Variants in NLGN1 observed in about 807,000 individuals in gnomAD.
NLGN1 encodes neuroligin 1.
In NLGN1, 12 loss-of-function variants were observed where a neutral mutation model predicts 65.5. That is an observed-to-expected ratio of 0.18 (90% CI 0.12 to 0.30). NLGN1 has a LOEUF of 0.30. Among genes scored for constraint, NLGN1 ranks in the 10% least tolerant of loss-of-function variants. NLGN1 has a pLI of 1.00. For missense variants in NLGN1, 750 were observed against 1,007.1 expected, an observed-to-expected ratio of 0.74 and a Z score of 3.46; for synonymous variants, 350 against 359.5, an observed-to-expected ratio of 0.97 and a Z score of 0.30.
intron 4 of NLGN1, among the ~76,000 whole-genome samples, chr3:173,913,785 TC>T (rs1399136257): frequency 6.6e-6 from 1 of 152,164 alleles, no homozygotes; most frequent in Non-Finnish European, 1.5e-5. Context: ...TATAAGGTGT[TC>T]TTAATTTACC....
intron 2 of NLGN1, among the ~76,000 whole-genome samples, chr3:173,557,414 TTTAAA>T (rs1741896648): frequency 1.3e-5 from 2 of 152,134 alleles, no homozygotes; most frequent in African/African-American, 4.8e-5. Context: ...AAATCTTATC[TTTAAA>T]TTATTTACTC....
intron 2 of NLGN1, among the ~76,000 whole-genome samples, chr3:173,514,594 A>G (rs1196658466): frequency 1.3e-5 from 2 of 152,220 alleles, no homozygotes; most frequent in Non-Finnish European, 1.5e-5. Context: ...AATGTCACAC[A>G]GCACGTATCA....
intron 4 of NLGN1, among the ~76,000 whole-genome samples, chr3:174,174,537 A>G (rs1302320522): frequency 6.6e-6 from 1 of 151,998 alleles, no homozygotes; most frequent in Non-Finnish European, 1.5e-5. Flanking sequence ...GTAAGGTGAT[A>G]TCGCATTGTG....
At chr3:174,182,579 C>G (rs73038807) in intron 4 of NLGN1, among the ~76,000 whole-genome samples, 2,274 of 152,198 alleles carry the variant, frequency 0.015, 56 homozygotes, top group African/African-American at 0.052. Context: ...TCTAACAAAT[C>G]CCCAGGAGAC....
intron 3 of NLGN1, among the ~76,000 whole-genome samples, chr3:173,666,353 A>G (rs553967224): frequency 2.0e-5 from 3 of 152,210 alleles, no homozygotes; most frequent in African/African-American, 7.2e-5. Context: ...TCTGGACCAA[A>G]CCATTAGCTC....
intron 4 of NLGN1, among the ~76,000 whole-genome samples, chr3:174,248,776 A>G (rs1247029338): frequency 6.6e-6 from 1 of 152,190 alleles, no homozygotes; most frequent in Non-Finnish European, 1.5e-5. Flanking sequence ...AATAAAAATA[A>G]AAGACTGTAT....
At chr3:173,424,546 C>T (rs552093531) in intron 1 of NLGN1, among the ~76,000 whole-genome samples, 9 of 152,326 alleles carry the variant, frequency 5.9e-5, no homozygotes, top group African/African-American at 2.2e-4. Flanking sequence ...TTGAACACTG[C>T]TGCTTAGAAA....
intron 4 of NLGN1, among the ~76,000 whole-genome samples, chr3:173,842,412 A>T (rs1489576889): frequency 1.3e-5 from 2 of 152,202 alleles, no homozygotes; most frequent in Non-Finnish European, 2.9e-5. Context: ...CCATTAACTC[A>T]GAAGTCCACA....
intron 3 of NLGN1, among the ~76,000 whole-genome samples, chr3:173,714,114 G>T (rs1234596438): frequency 6.6e-6 from 1 of 152,138 alleles, no homozygotes; most frequent in Non-Finnish European, 1.5e-5. Context: ...TGGTTGTCAT[G>T]ATGGTATATA....
rs116652319 is a variant in NLGN1, at chr3:174,012,575, A to G, written c.646+204743A>G. Among the ~76,000 whole-genome samples, 672 of 152,302 alleles carry G rather than the reference A, an allele frequency of 4.4e-3. 8 individuals are homozygous for G. Among genetic ancestry groups the G allele is most frequent in the African/African-American group, 0.015 (621 of 41,586 alleles). The stretch of plus-strand genomic sequence containing the variant: ...ACATCCTCTTTACTGTTTATCTTCT[A>G]GTAGAGGAATTCTACAAGTTATTCC... On this transcript the variant is annotated intron_variant, in intron 4 of 6. Coordinates refer to ENST00000457714, the Ensembl canonical transcript of NLGN1.
chr3:173,689,373 G>A (rs1207711235), intron 3 of NLGN1, among the ~76,000 whole-genome samples: 1 of 152,118 alleles, frequency 6.6e-6, no homozygotes, highest in Non-Finnish European at 1.5e-5. Flanking sequence ...GGAGGAGGCA[G>A]CCCCAATCTG....
At chr3:173,825,691 G>T (rs534136103) in intron 4 of NLGN1, among the ~76,000 whole-genome samples, 65 of 152,070 alleles carry the variant, frequency 4.3e-4, no homozygotes, top group African/African-American at 1.6e-3. Context: ...CATCTGAAAG[G>T]ATTAGATCTA....
intron 1 of NLGN1, among the ~76,000 whole-genome samples, chr3:173,427,707 G>A (rs987705772): frequency 6.6e-6 from 1 of 151,836 alleles, no homozygotes. Flanking sequence ...TTTTGAATTT[G>A]TTCAGACTTG....
At chr3:173,930,687 A>C (rs902253793) in intron 4 of NLGN1, among the ~76,000 whole-genome samples, 5 of 152,202 alleles carry the variant, frequency 3.3e-5, no homozygotes, top group Admixed American at 3.3e-4. Flanking sequence ...TGTCATATTC[A>C]TCCTGGTGCT....
At chr3:174,270,823 G>T (rs1355388071) in intron 4 of NLGN1, among the ~76,000 whole-genome samples, 2 of 151,704 alleles carry the variant, frequency 1.3e-5, no homozygotes, top group Non-Finnish European at 3.0e-5. Flanking sequence ...ATTTCGAGTT[G>T]GATTTTTACC....
chr3:173,734,909 A>T (rs1394551769), intron 3 of NLGN1, among the ~76,000 whole-genome samples: 1 of 152,112 alleles, frequency 6.6e-6, no homozygotes, highest in Non-Finnish European at 1.5e-5. Context: ...AGCATGGAAT[A>T]ATGGATCTTT....
chr3:174,134,970 G>A (rs77676346), intron 4 of NLGN1, among the ~76,000 whole-genome samples: 2,148 of 152,166 alleles, frequency 0.014, 62 homozygotes, highest in African/African-American at 0.048. Flanking sequence ...TTCCTTTTCA[G>A]AAACAATTGT....
intron 4 of NLGN1, among the ~76,000 whole-genome samples, chr3:174,114,610 T>C (rs1241107514): frequency 6.6e-6 from 1 of 152,174 alleles, no homozygotes; most frequent in Non-Finnish European, 1.5e-5. Flanking sequence ...TTTTTCAGTA[T>C]GTTTCCTTTT....
chr3:173,987,336 T>C (rs1378884857), intron 4 of NLGN1, among the ~76,000 whole-genome samples: 5 of 152,198 alleles, frequency 3.3e-5, no homozygotes, highest in African/African-American at 1.2e-4. Context: ...GGCTCTGTTA[T>C]TGACTCAAGA....
Sources: allele counts gnomAD v4.1 joint callset (sites outside exome capture counted in the v4.1 genomes callset), GRCh38; gene constraint gnomAD v4.1.1; transcripts MANE v1.5; gene names NCBI Gene and HGNC (gene_info 2026-07-23, HGNC 2026-07-21).